The following VCL variants were observed in gnomAD, a reference collection of about 807,000 sequenced individuals.
VCL encodes the protein epididymis luminal protein 114.
VCL carries 47 observed loss-of-function variants against 125.7 expected under a neutral mutation model. That is an observed-to-expected ratio of 0.37 (90% confidence interval 0.30 to 0.48). VCL has a LOEUF of 0.48. Among genes scored for constraint, VCL ranks in the 20% least tolerant of loss-of-function variants. The pLI, the probability that VCL is intolerant of heterozygous loss-of-function variation, is 0.99. For synonymous variants in VCL, 458 were observed against 514.6 expected (o/e 0.89, Z 1.49); for missense variants, 1,069 against 1,455.5 (o/e 0.73, Z 4.32).
intron 5 of VCL, 95 bp from the exon 6 acceptor site, chr10:74,074,648 G>A: frequency 1.4e-6 from 2 of 1,445,884 alleles, no homozygotes; most frequent in South Asian, 1.3e-5. Flanking sequence ...GATCTTAAAA[G>A]CCCAAAACAT....
At chr10:74,091,941 G>A (rs1839895109) in intron 10 of VCL, among the ~76,000 whole-genome samples, 1 of 151,732 alleles carries the variant, frequency 6.6e-6, no homozygotes, top group Non-Finnish European at 1.5e-5. Flanking sequence ...ACGGAGTCTT[G>A]CTCTGCTGCC....
intron 1 of VCL, among the ~76,000 whole-genome samples, chr10:74,039,057 ATC>A: frequency 6.6e-6 from 1 of 152,180 alleles, no homozygotes; most frequent in Middle Eastern, 3.4e-3. Flanking sequence ...GATTATAGGC[ATC>A]CGCCACCACG....
chr10:74,018,183 T>TATATAA (rs1292959570), intron 1 of VCL, among the ~76,000 whole-genome samples: 2 of 133,694 alleles, frequency 1.5e-5, no homozygotes, highest in African/African-American at 5.7e-5. Flanking sequence ...ATAGGATATA[T>TATATAA]ATATATATAT....
rs985975479 is a variant in VCL, at chr10:74,095,926, A to G, written c.1743+71A>G. The G allele has an allele frequency of 2.0e-5, 31 of 1,557,330 alleles. No individual in the cohort carries two copies. The African/African-American group carries it at 3.9e-4, about 20-fold the overall frequency. ...TATTGAAAGACGAGGGAAGGAAGAGAGAGTTTTGAAAAATACATAATTTCT... is the reference window on the plus strand; with the variant it reads ...TATTGAAAGACGAGGGAAGGAAGAGGGAGTTTTGAAAAATACATAATTTCT... On this transcript the variant is annotated intron_variant, in intron 12 of 21. Coordinates refer to ENST00000211998, the MANE Select transcript of VCL (RefSeq NM_014000.3).
intron 1 of VCL, among the ~76,000 whole-genome samples, chr10:74,036,391 CAG>C (rs1591664630): frequency 6.6e-6 from 1 of 152,046 alleles, no homozygotes; most frequent in East Asian, 1.9e-4. Context: ...TTAGTAGAGA[CAG>C]GGTTTCACCA....
intron 6 of VCL, among the ~76,000 whole-genome samples, chr10:74,082,053 G>A (rs1215463296): frequency 6.6e-6 from 1 of 152,168 alleles, no homozygotes; most frequent in African/African-American, 2.4e-5. Context: ...ATACTAACGA[G>A]GCTTCCCTGA....
rs534549504 is a variant in VCL at position 74,025,390 on chromosome 10, G to T, written c.169-17693G>T. Among the ~76,000 whole-genome samples, 7 of 152,076 alleles carry T rather than the reference G, an allele frequency of 4.6e-5. No homozygotes were observed. In the South Asian group the frequency reaches 1.5e-3, roughly 32 times the overall value. ...ACACTTTGGGAGGCGGAGGTGGGAG[G>T]ATTGCTTGAGGCCAGGAGTTTGAGA... On this transcript the variant is annotated intron_variant, in intron 1 of 21. Transcript: ENST00000211998.
Position 74,105,307 on chromosome 10 carries a change from G to A in VCL, c.2388G>A (p.Pro796=), listed in dbSNP as rs767809. The A allele has an allele frequency of 0.53, 851,963 of 1,612,672 alleles. 236,237 individuals are homozygous for A. The highest frequency in any genetic ancestry group is 0.6 in the Middle Eastern group (3,110 of 5,142). The part of the protein sequence containing the change: ...ASDELSKTIS[P]MVMDAKAVAG... The stretch of plus-strand genomic sequence containing the variant: ...ATGAATTGAGCAAAACCATCTCCCC[G>A]ATGGTGATGGATGCAAAAGCTGTGG... Residue 796 remains proline, a synonymous_variant, in exon 16 of 22, where the codon CCG becomes CCA. Coordinates refer to ENST00000211998, the MANE Select transcript of VCL (RefSeq NM_014000.3).
At chr10:74,045,763 G>A (rs1461663709) in intron 2 of VCL, among the ~76,000 whole-genome samples, 2 of 152,114 alleles carry the variant, frequency 1.3e-5, no homozygotes, top group Non-Finnish European at 2.9e-5. Flanking sequence ...TGGGAGGGAG[G>A]AAGAGGTCTA....
chr10:74,100,911 T>C, intron 13 of VCL, 37 bp from the exon 14 acceptor site: 2 of 1,612,906 alleles, frequency 1.2e-6, no homozygotes, highest in South Asian at 1.1e-5. Flanking sequence ...CCCATTTTAT[T>C]GAAATAAATG....
chr10:74,117,628 G>T (rs1052617704), intron 21 of VCL, among the ~76,000 whole-genome samples: 3 of 152,186 alleles, frequency 2.0e-5, no homozygotes, highest in African/African-American at 7.2e-5. Context: ...CTCCAGCCTG[G>T]ATGAAAGAGA....
In VCL at chr10:74,066,061, A is replaced by ATATT. The variant is rs1441211975; in HGVS notation, c.240-4608_240-4607insATTT. ...AATCAATTTTGGTATATATATATAT[A>ATATT]TTTTTTTTTTTTTTTGAGATGGAGT... On this transcript the variant is annotated intron_variant, in intron 2 of 21. Coordinates refer to ENST00000211998, the MANE Select transcript of VCL (RefSeq NM_014000.3). Among the ~76,000 whole-genome samples the ATATT allele has an allele frequency of 1.1e-3, 148 of 137,476 alleles. 1 individual carries two copies. Among genetic ancestry groups the ATATT allele is most frequent in the Non-Finnish European group, 1.6e-3 (100 of 62,598 alleles). The allele number at this position is 137,476 out of a possible 152,430, so 90.2% of individuals were successfully genotyped here. A position where few individuals can be genotyped will look rare whatever the true frequency, so the allele number is the denominator to read the frequency against.
At chr10:74,003,556 G>C (rs1035088813) in intron 1 of VCL, among the ~76,000 whole-genome samples, 1 of 152,208 alleles carries the variant, frequency 6.6e-6, no homozygotes, top group African/African-American at 2.4e-5. Context: ...GAGAGCATGT[G>C]TTGTAAGTAC....
chr10:74,107,376 G>A, intron 17 of VCL, 22 bp downstream of exon 17: 1 of 1,614,188 alleles, frequency 6.2e-7, no homozygotes, highest in Non-Finnish European at 8.5e-7. Flanking sequence ...CAGATATGCA[G>A]AGAATTGAGC....
At position 74,089,274 on chromosome 10, in the gene VCL, G is replaced by A; in HGVS notation, c.1101G>A (p.Val367=). 6.2e-7 allele frequency: 1 copy of A among 1,614,126 alleles called. No individual in the cohort carries two copies. Among genetic ancestry groups the A allele is most frequent in the South Asian group, 1.1e-5 (1 of 91,062 alleles). ...GTCTGGATGTGCTCACAGCAAAAGT[G>A]GAAAATGCAGCTCGCAAGCTGGAAG... ...SQGLDVLTAK[V]ENAARKLEAM... is the part of the protein sequence containing the mutation. The change falls in exon 9 of 22, where the codon GTG becomes GTA. Residue 367 remains valine, a synonymous_variant. Transcript: ENST00000211998.
At chr10:74,030,869 G>A (rs1056238343) in intron 1 of VCL, among the ~76,000 whole-genome samples, 5 of 152,114 alleles carry the variant, frequency 3.3e-5, no homozygotes, top group Admixed American at 3.3e-4. Context: ...TCATCGCCAA[G>A]GTCTGATTTT....
At chr10:74,076,556 G>A (rs151022713) in intron 6 of VCL, 3,077 of 152,710 alleles carry the variant, frequency 0.02, 49 homozygotes, top group African/African-American at 0.034. Flanking sequence ...TCTTCTTTGC[G>A]GGCTCTGAAA....
At chr10:74,117,291 C>T (rs1840326048) in intron 21 of VCL, among the ~76,000 whole-genome samples, 1 of 152,066 alleles carries the variant, frequency 6.6e-6, no homozygotes, top group Admixed American at 6.5e-5. Flanking sequence ...AGAAAAAACC[C>T]TCAAAACTCC....
At chr10:74,033,129 A>G (rs998034660) in intron 1 of VCL, among the ~76,000 whole-genome samples, 2 of 152,258 alleles carry the variant, frequency 1.3e-5, no homozygotes, top group African/African-American at 4.8e-5. Context: ...AAAACAACTC[A>G]GGTGCCCATC....
Sources: gnomAD v4.1 joint callset for allele counts (sites outside exome capture counted in the v4.1 genomes callset) on GRCh38, gnomAD v4.1.1 for gene constraint, MANE v1.5 for transcripts, NCBI Gene and HGNC (gene_info 2026-07-23, HGNC 2026-07-21) for gene names.